Variants in ANKRD17 observed in about 807,000 individuals in gnomAD.
ANKRD17 encodes the protein ankyrin repeat domain 17.
In ANKRD17, 19 loss-of-function variants were observed where a neutral mutation model predicts 229.7. That is an observed-to-expected ratio of 0.08 (90% CI 0.06 to 0.12). The LOEUF (loss-of-function observed/expected upper bound fraction) is 0.12, where lower values mean the gene tolerates loss of function less well. Ranked by LOEUF, ANKRD17 falls within the 10% of genes least tolerant of loss-of-function variation. ANKRD17 has a pLI of 1.00. For missense variants in ANKRD17, 2,176 were observed against 3,176.8 expected (o/e 0.68, Z 7.57); for synonymous variants, 1,112 against 1,146.1 (o/e 0.97, Z 0.60).
At position 73,153,923 on chromosome 4, in the gene ANKRD17, A is replaced by G. The variant is rs1216991807; in HGVS notation, c.1191T>C (p.Ser397=). The change falls in exon 6 of 34, where the codon TCT becomes TCC. Residue 397 remains serine (S), a synonymous_variant. Transcript: ENST00000358602. Reference sequence around the variant, plus strand: ...TAAGGGCACTCTCTTTAAATTCATTAGAATGCGTATTAATGCCAGCCCCAT... The same window carrying G: ...TAAGGGCACTCTCTTTAAATTCATTGGAATGCGTATTAATGCCAGCCCCAT... ...LENGAGINTH[S]NEFKESALTL... 6 of 1,609,164 alleles carry G rather than the reference A, an allele frequency of 3.7e-6. No homozygotes were observed. The highest frequency in any genetic ancestry group is 5.1e-6 in the Non-Finnish European group (6 of 1,177,736).
intron 1 of ANKRD17, among the ~76,000 whole-genome samples, chr4:73,257,230 A>G (rs2149295931): frequency 6.6e-6 from 1 of 152,350 alleles, no homozygotes; most frequent in South Asian, 2.1e-4. Context: ...GAGACAAGAG[A>G]GTGGTAAAAC....
chr4:73,194,981 T>C lies in ANKRD17; in HGVS notation c.394-17448A>G, dbSNP rs1345656308. On this transcript the variant is annotated intron_variant, in intron 1 of 33. Coordinates refer to ENST00000358602, the MANE Select transcript of ANKRD17 (RefSeq NM_032217.5). ...TAAAATTTCATTTTCCAAATGTTCA[T>C]TTCTAATATATAGGAATGGAAAACG... is the stretch of plus-strand genomic sequence containing the variant. 5.3e-5 allele frequency among the ~76,000 whole-genome samples: 8 copies of C among 152,180 alleles called. No homozygotes were observed. The East Asian group carries it at 1.5e-3, about 29-fold the overall frequency.
chr4:73,254,787 G>GA (rs1230774706), intron 1 of ANKRD17, among the ~76,000 whole-genome samples: 2 of 149,986 alleles, frequency 1.3e-5, no homozygotes, highest in Non-Finnish European at 3.0e-5. Context: ...AAAAAAGAAA[G>GA]AAAAAATACT....
intron 1 of ANKRD17, among the ~76,000 whole-genome samples, chr4:73,204,243 C>T (rs1314252331): frequency 6.6e-6 from 1 of 151,184 alleles, no homozygotes; most frequent in Non-Finnish European, 1.5e-5. Flanking sequence ...CTCCTGTAGT[C>T]CCAGCTACTC....
At chr4:73,078,134 T>C (rs1172377791) in intron 31 of ANKRD17, among the ~76,000 whole-genome samples, 2 of 152,050 alleles carry the variant, frequency 1.3e-5, no homozygotes, top group East Asian at 3.9e-4. Flanking sequence ...ATCCCAGCAC[T>C]TTGGGAGACC....
chr4:73,121,887 G>T, intron 18 of ANKRD17, 128 bp from the exon 19 acceptor site: 2 of 922,026 alleles, frequency 2.2e-6, no homozygotes, highest in Non-Finnish European at 3.1e-6. Context: ...TTCATGCTCT[G>T]CATAAAATCA....
chr4:73,228,666 TTG>T (rs1457242275), intron 1 of ANKRD17, among the ~76,000 whole-genome samples: 1 of 152,214 alleles, frequency 6.6e-6, no homozygotes, highest in African/African-American at 2.4e-5. Context: ...TACTCCATAA[TTG>T]TTTCAGATTA....
chr4:73,215,827 G>GT (rs1302722205), intron 1 of ANKRD17, among the ~76,000 whole-genome samples: 4 of 152,052 alleles, frequency 2.6e-5, no homozygotes, highest in African/African-American at 7.2e-5. Context: ...AATAGTTTTT[G>GT]TTTTTTTATC....
At chr4:73,138,756 C>G (rs1729230328) in intron 15 of ANKRD17, among the ~76,000 whole-genome samples, 1 of 151,932 alleles carries the variant, frequency 6.6e-6, no homozygotes, top group Non-Finnish European at 1.5e-5. Flanking sequence ...CCTATAAAAC[C>G]TCATCCCATT....
Position 73,135,407 on chromosome 4 carries a change from T to C in ANKRD17, c.3086-142A>G, listed in dbSNP as rs189015188. On this transcript the variant is annotated intron_variant, in intron 15 of 33. Coordinates refer to ENST00000358602, the MANE Select transcript of ANKRD17 (RefSeq NM_032217.5). ...CTATAGCACTAATAACTAATTTTCC[T>C]GGTTATTATTCACTGATGACAGTGT... 47 of 682,044 alleles carry C rather than the reference T, an allele frequency of 6.9e-5. No homozygotes were observed. In the African/African-American group the frequency reaches 8.1e-4, roughly 12 times the overall value. The allele number at this position is 682,044 out of a possible 1,614,324, so 42.2% of individuals were successfully genotyped here.
chr4:73,187,636 T>C (rs1319857884), intron 1 of ANKRD17, among the ~76,000 whole-genome samples: 1 of 152,214 alleles, frequency 6.6e-6, no homozygotes, highest in South Asian at 2.1e-4. Flanking sequence ...TGAGCACCAA[T>C]GCTTGGGCCT....
At chr4:73,124,797 T>C in intron 18 of ANKRD17, 116 bp downstream of exon 18, 1 of 1,278,194 alleles carries the variant, frequency 7.8e-7, no homozygotes. Flanking sequence ...ATAGTTTCAG[T>C]TATTGTGAGA....
chr4:73,120,368 C>A, intron 20 of ANKRD17, 31 bp from the exon 21 acceptor site: 4 of 1,595,586 alleles, frequency 2.5e-6, no homozygotes, highest in Non-Finnish European at 3.4e-6. Flanking sequence ...AAAGTAATGA[C>A]ACGTAAGAGA....
intron 1 of ANKRD17, among the ~76,000 whole-genome samples, chr4:73,191,341 A>ATGTGTGTGTGTG (rs71655741): frequency 0.05 from 6,235 of 125,174 alleles, 212 homozygotes; most frequent in African/African-American, 0.07. Flanking sequence ...AAAAATATAT[A>ATGTGTGTGTGTG]TGTGTGTGTG....
At chr4:73,195,507 C>T (rs887502122) in intron 1 of ANKRD17, among the ~76,000 whole-genome samples, 47 of 151,816 alleles carry the variant, frequency 3.1e-4, no homozygotes, top group African/African-American at 1.1e-3. Context: ...GTTTTCTTTG[C>T]TGAAGATTTT....
At chr4:73,238,113 C>A (rs1037244349) in intron 1 of ANKRD17, among the ~76,000 whole-genome samples, 7 of 150,552 alleles carry the variant, frequency 4.6e-5, no homozygotes, top group Admixed American at 3.3e-4. Flanking sequence ...AACCAACCAT[C>A]TCAGTAGTCA....
intron 1 of ANKRD17, among the ~76,000 whole-genome samples, chr4:73,179,514 A>ATTTT (rs1474647808): frequency 6.1e-5 from 4 of 65,150 alleles, no homozygotes; most frequent in African/African-American, 1.9e-4. Flanking sequence ...ATATATATAT[A>ATTTT]TATATTTTTT....
At chr4:73,079,367 T>C (rs1214385233) in intron 30 of ANKRD17, among the ~76,000 whole-genome samples, 1 of 152,164 alleles carries the variant, frequency 6.6e-6, no homozygotes, top group African/African-American at 2.4e-5. Flanking sequence ...ATACGTTTCT[T>C]TGTTATTTAT....
intron 3 of ANKRD17, among the ~76,000 whole-genome samples, chr4:73,157,293 A>G (rs1004260582): frequency 6.6e-6 from 1 of 152,180 alleles, no homozygotes. Context: ...ATAACTGATG[A>G]GCCTTTTTTG....
Sources: gnomAD v4.1 joint callset for allele counts (sites outside exome capture counted in the v4.1 genomes callset) on GRCh38, gnomAD v4.1.1 for gene constraint, MANE v1.5 for transcripts, NCBI Gene and HGNC (gene_info 2026-07-23, HGNC 2026-07-21) for gene names.